GATAD2A: variants seen among roughly 807,000 people sequenced by gnomAD.
The protein encoded by GATAD2A is GATA zinc finger domain containing 2A.
A neutral mutation model predicts 68.5 loss-of-function variants in GATAD2A; 12 were observed. The ratio of observed to expected loss-of-function variants is 0.18; its 90% CI spans 0.11 to 0.28. The LOEUF (loss-of-function observed/expected upper bound fraction) is 0.28. Ranked by LOEUF, GATAD2A falls within the 10% of genes least tolerant of loss-of-function variation. The pLI, the probability that GATAD2A is intolerant of heterozygous loss-of-function variation, is 1.00. For missense variants in GATAD2A, 755 were observed against 868.5 expected (o/e 0.87, Z 1.64); for synonymous variants, 410 against 375.3 (o/e 1.09, Z -1.07).
intron 1 of GATAD2A, among the ~76,000 whole-genome samples, chr19:19,421,353 C>T (rs145367251): frequency 1.3e-5 from 2 of 152,290 alleles, no homozygotes; most frequent in Non-Finnish European, 2.9e-5. Flanking sequence ...GCCCCTATGG[C>T]CCTGCCCCTC....
chr19:19,471,548 C>T (rs1404635052), intron 2 of GATAD2A, among the ~76,000 whole-genome samples: 1 of 152,140 alleles, frequency 6.6e-6, no homozygotes, highest in East Asian at 1.9e-4. Context: ...ATTAACAACA[C>T]ATGGGCACGT....
chr19:19,404,349 C>T (rs539608170), upstream of GATAD2A, among the ~76,000 whole-genome samples: 26 of 151,798 alleles, frequency 1.7e-4, no homozygotes, highest in African/African-American at 6.0e-4. Context: ...TATTCTTGGG[C>T]GTTACATTGA....
intron 1 of GATAD2A, chr19:19,386,198 G>A (rs947029242): frequency 1.3e-5 from 2 of 152,424 alleles, no homozygotes; most frequent in Non-Finnish European, 2.9e-5. Flanking sequence ...AGGCTCTCTG[G>A]GGCTTCCGCT....
intron 1 of GATAD2A, among the ~76,000 whole-genome samples, chr19:19,390,944 G>A (rs1481573605): frequency 6.6e-6 from 1 of 152,124 alleles, no homozygotes; most frequent in African/African-American, 2.4e-5. Context: ...GTGGCTTAGT[G>A]CCCACGAGGA....
intron 1 of GATAD2A, chr19:19,429,275 T>G: frequency 1.0e-6 from 1 of 971,184 alleles, no homozygotes; most frequent in Non-Finnish European, 1.2e-6. Flanking sequence ...CTTGCCTGAG[T>G]AACAGGTGCT....
At chr19:19,481,387 G>A (rs984648161) in intron 2 of GATAD2A, among the ~76,000 whole-genome samples, 2 of 152,212 alleles carry the variant, frequency 1.3e-5, no homozygotes, top group African/African-American at 4.8e-5. Context: ...CTGGAATGCA[G>A]TGGTACAGTC....
chr19:19,396,649 C>G (rs185966840), intron 1 of GATAD2A, among the ~76,000 whole-genome samples: 1 of 152,272 alleles, frequency 6.6e-6, no homozygotes, highest in African/African-American at 2.4e-5. Flanking sequence ...TCTTAAAGTG[C>G]TGGGATTTCA....
At chr19:19,422,452 C>T (rs917553034) in intron 1 of GATAD2A, among the ~76,000 whole-genome samples, 3 of 152,182 alleles carry the variant, frequency 2.0e-5, no homozygotes, top group Admixed American at 6.5e-5. Context: ...GTCCACCTGG[C>T]ACCTGCTTTC....
At chr19:19,391,635 G>GT (rs199744679) in intron 1 of GATAD2A, among the ~76,000 whole-genome samples, 137 of 151,130 alleles carry the variant, frequency 9.1e-4, no homozygotes, top group Non-Finnish European at 1.4e-3. Flanking sequence ...TTTTAAACTT[G>GT]TTTTTTTTTA....
upstream of GATAD2A, among the ~76,000 whole-genome samples, chr19:19,404,803 C>G (rs570716604): frequency 6.6e-6 from 1 of 152,312 alleles, no homozygotes; most frequent in East Asian, 1.9e-4. Context: ...CACCACCACT[C>G]TTCAGGAGTC....
intron 1 of GATAD2A, among the ~76,000 whole-genome samples, chr19:19,456,725 T>C (rs1286904454): frequency 6.6e-6 from 1 of 152,188 alleles, no homozygotes; most frequent in Non-Finnish European, 1.5e-5. Flanking sequence ...TCACTTAATA[T>C]CTCATCTGGA....
intron 1 of GATAD2A, among the ~76,000 whole-genome samples, chr19:19,425,931 A>C (rs2053034402): frequency 6.6e-6 from 1 of 152,042 alleles, no homozygotes; most frequent in Admixed American, 6.6e-5. Flanking sequence ...CTGGGACTAC[A>C]GGTGCTCCGC....
At chr19:19,441,765 C>G (rs1223712685) in intron 1 of GATAD2A, 1 of 156,366 alleles carries the variant, frequency 6.4e-6, no homozygotes, top group Non-Finnish European at 1.4e-5. Context: ...GGGGTTTCAC[C>G]GTGTTAGCCA....
upstream of GATAD2A, among the ~76,000 whole-genome samples, chr19:19,405,637 G>A (rs566684051): frequency 2.0e-5 from 3 of 150,632 alleles, no homozygotes; most frequent in South Asian, 2.1e-4. Flanking sequence ...CCGCCCACGA[G>A]CTCCTCCCTT....
At chr19:19,478,757 T>C (rs1429925080) in intron 2 of GATAD2A, among the ~76,000 whole-genome samples, 1 of 151,400 alleles carries the variant, frequency 6.6e-6, no homozygotes, top group Non-Finnish European at 1.5e-5. Context: ...CTGCAGTCAG[T>C]TGAGATGGCA....
At position 19,398,400 on chromosome 19, in the gene GATAD2A, C is replaced by T. The variant is rs1350350123; in HGVS notation, c.-7+12262C>T. On this transcript the variant is annotated intron_variant, in intron 1 of 11. Coordinates refer to the GATAD2A transcript ENST00000360315. ...TGCATTTTTAGTAGAGACGGGGTTT[C>T]ATGTTGGCCAGGCTGGTTTCCAACT... 2.0e-5 allele frequency among the ~76,000 whole-genome samples: 3 copies of T among 151,778 alleles called. No individual in the cohort carries two copies. The East Asian group carries it at 5.9e-4, about 30-fold the overall frequency.
chr19:19,437,522 CTTTA>C (rs990777191), intron 1 of GATAD2A, among the ~76,000 whole-genome samples: 1 of 152,256 alleles, frequency 6.6e-6, no homozygotes, highest in Non-Finnish European at 1.5e-5. Context: ...CAATTACCAC[CTTTA>C]TTTAATTCCA....
chr19:19,438,277 G>A (rs1026338087), intron 1 of GATAD2A, among the ~76,000 whole-genome samples: 4 of 152,170 alleles, frequency 2.6e-5, no homozygotes, highest in African/African-American at 4.8e-5. Flanking sequence ...ATAGGCTCTC[G>A]CTCTGTCACC....
At chr19:19,501,916 C>G (rs2060552003) in intron 9 of GATAD2A, 53 bp from the exon 10 acceptor site, 1 of 1,440,420 alleles carries the variant, frequency 6.9e-7, no homozygotes. Context: ...CTCGGTCACC[C>G]TGGGCCGGCC....
Sources: allele counts gnomAD v4.1 joint callset (sites outside exome capture counted in the v4.1 genomes callset), GRCh38; gene constraint gnomAD v4.1.1; transcripts MANE v1.5; gene names NCBI Gene and HGNC (gene_info 2026-07-23, HGNC 2026-07-21).